The following ALK variants were observed in gnomAD, a reference collection of about 807,000 sequenced individuals.
The protein encoded by ALK is ALK receptor tyrosine kinase.
A neutral mutation model predicts 163.1 loss-of-function variants in ALK; 74 were observed. The ratio of observed to expected loss-of-function variants is 0.45; its 90% CI spans 0.38 to 0.55. The LOEUF is 0.55. Among genes scored for constraint, ALK ranks in the 20% least tolerant of loss-of-function variants. The pLI is 0.00. For synonymous variants in ALK, 960 were observed against 843.2 expected (o/e 1.14, Z -2.40); for missense variants, 2,063 against 2,105.3 (o/e 0.98, Z 0.39).
intron 3 of ALK, among the ~76,000 whole-genome samples, chr2:29,548,914 T>C (rs1553330680): frequency 6.6e-6 from 1 of 152,108 alleles, no homozygotes; most frequent in Non-Finnish European, 1.5e-5. Flanking sequence ...ATTTTTAAAA[T>C]GCCTTGAAGT....
rs892552433 is a variant in ALK, at chr2:29,567,833, T to G, written c.953-35717A>C. Among the ~76,000 whole-genome samples, 58 of 152,362 alleles carry G rather than the reference T, an allele frequency of 3.8e-4. 1 individual carries two copies. The highest frequency in any genetic ancestry group is 1.3e-3 in the African/African-American group (56 of 41,586). ...ATTTTCCTGATTCATTCTGCTATAT[T>G]TTCTCAATTCCAAGTTTAGTTTCAG... is the stretch of plus-strand genomic sequence containing the variant. On this transcript the variant is annotated intron_variant, in intron 3 of 28. Coordinates refer to ENST00000389048, the MANE Select transcript of ALK (RefSeq NM_004304.5).
chr2:29,245,304 C>T (rs1664635131), intron 12 of ALK, among the ~76,000 whole-genome samples: 1 of 125,904 alleles, frequency 7.9e-6, no homozygotes, highest in Non-Finnish European at 1.6e-5. Context: ...CTCCATGGCT[C>T]AGTGCCCTGC....
chr2:29,879,111 C>T (rs12476676), intron 1 of ALK, among the ~76,000 whole-genome samples: 116,825 of 151,920 alleles, frequency 0.77, 45,026 homozygotes, highest in East Asian at 0.79. Context: ...GATATATGAC[C>T]CACCCCTGCG....
rs560526092 is a variant in ALK, at chr2:29,449,126, T to G, written c.1155-65267A>C. 2.0e-5 allele frequency among the ~76,000 whole-genome samples: 3 copies of G among 152,280 alleles called. No individual in the cohort carries two copies. The South Asian group carries it at 6.2e-4, about 32-fold the overall frequency. On this transcript the variant is annotated intron_variant, in intron 4 of 28. Transcript: ENST00000389048. ...TGTCTTGCCATGCCATATCATATGA[T>G]TTATTTATTTGTTCATTCATTAGGT...
intron 3 of ALK, among the ~76,000 whole-genome samples, chr2:29,581,408 A>G (rs1674686511): frequency 1.3e-5 from 2 of 152,090 alleles, no homozygotes; most frequent in South Asian, 4.2e-4. Context: ...AAATAAAATA[A>G]AAGAGTCAAA....
intron 1 of ALK, among the ~76,000 whole-genome samples, chr2:29,883,737 C>T (rs1666921962): frequency 6.6e-6 from 1 of 152,128 alleles, no homozygotes; most frequent in Non-Finnish European, 1.5e-5. Flanking sequence ...CTTTGAACAA[C>T]AGGAGTTTGG....
chr2:29,739,980 GA>G (rs764655352), intron 1 of ALK, among the ~76,000 whole-genome samples: 18 of 152,068 alleles, frequency 1.2e-4, no homozygotes, highest in Non-Finnish European at 2.2e-4. Flanking sequence ...ATGTAATGAA[GA>G]CTTCAAGAAT....
Position 29,193,275 on chromosome 2 carries a change from G to C in ALK, c.4812C>G (p.Tyr1604Ter), listed in dbSNP as rs753750497. The C allele has an allele frequency of 1.2e-6, 2 of 1,614,172 alleles. No individual in the cohort carries two copies. Among genetic ancestry groups the C allele is most frequent in the African/African-American group, 1.3e-5 (1 of 75,052 alleles). ...EAATAPGAGH[Y>*]EDTILKSKNS... ...TCTTGCTTTTCAGAATGGTATCCTC[G>C]TAATGACCAGCTCCAGGGGCAGTAG... Residue 1604 changes from tyrosine to a stop codon, truncating the protein, a stop_gained, in exon 29 of 29, where the codon TAC becomes TAG. Coordinates refer to ENST00000389048, the MANE Select transcript of ALK (RefSeq NM_004304.5). LOFTEE classifies it high-confidence loss of function.
intron 1 of ALK, among the ~76,000 whole-genome samples, chr2:29,895,327 A>G (rs1667241982): frequency 6.6e-6 from 1 of 152,224 alleles, no homozygotes; most frequent in South Asian, 2.1e-4. Flanking sequence ...ATTCCATTAG[A>G]AAGTCTTTTT....
intron 1 of ALK, among the ~76,000 whole-genome samples, chr2:29,898,620 C>T (rs370233375): frequency 1.3e-5 from 2 of 152,096 alleles, no homozygotes; most frequent in African/African-American, 2.4e-5. Flanking sequence ...TAGAAGTAAC[C>T]GCCACATCAA....
chr2:29,201,653 A>G (rs1669181727), intron 26 of ALK, among the ~76,000 whole-genome samples: 1 of 151,986 alleles, frequency 6.6e-6, no homozygotes. Flanking sequence ...TGGGTGTGGT[A>G]GCACGCGTCT....
At chr2:29,407,576 G>A (rs1162302630) in intron 4 of ALK, among the ~76,000 whole-genome samples, 1 of 152,220 alleles carries the variant, frequency 6.6e-6, no homozygotes, top group African/African-American at 2.4e-5. Context: ...ACCTTTTATG[G>A]TCTCCTAACC....
At chr2:29,664,963 T>C (rs758670953) in intron 3 of ALK, among the ~76,000 whole-genome samples, 4 of 152,134 alleles carry the variant, frequency 2.6e-5, no homozygotes, top group Admixed American at 6.5e-5. Context: ...TAGCCTTCCA[T>C]TGAGAACCTG....
At chr2:29,638,544 A>G (rs567516196) in intron 3 of ALK, among the ~76,000 whole-genome samples, 1 of 151,624 alleles carries the variant, frequency 6.6e-6, no homozygotes, top group African/African-American at 2.4e-5. Context: ...ATGGATGCGG[A>G]TAATGCTGGG....
chr2:29,276,327 G>A (rs1164172029), intron 9 of ALK, among the ~76,000 whole-genome samples: 1 of 152,162 alleles, frequency 6.6e-6, no homozygotes, highest in African/African-American at 2.4e-5. Flanking sequence ...CATATCCTTG[G>A]AGGGCCAGGT....
At chr2:29,769,008 AT>A (rs1043142483) in intron 1 of ALK, among the ~76,000 whole-genome samples, 6 of 151,954 alleles carry the variant, frequency 3.9e-5, no homozygotes, top group African/African-American at 1.4e-4. Context: ...TAATTTTTGC[AT>A]TTTTTATACA....
chr2:29,528,582 T>C (rs1673024271), intron 4 of ALK, among the ~76,000 whole-genome samples: 1 of 152,158 alleles, frequency 6.6e-6, no homozygotes, highest in Admixed American at 6.5e-5. Context: ...AGCTGTGACC[T>C]TGTTGTCTTT....
At chr2:29,567,443 T>A (rs1052355277) in intron 3 of ALK, among the ~76,000 whole-genome samples, 1 of 152,338 alleles carries the variant, frequency 6.6e-6, no homozygotes, top group East Asian at 1.9e-4. Flanking sequence ...CCCAGACCTG[T>A]CCTGTGCTTG....
chr2:29,558,476 C>A (rs1046008366), intron 3 of ALK, among the ~76,000 whole-genome samples: 1 of 152,132 alleles, frequency 6.6e-6, no homozygotes, highest in African/African-American at 2.4e-5. Context: ...CACCTCCCAA[C>A]CCACAAGACT....
Sources: gnomAD v4.1 joint callset for allele counts (sites outside exome capture counted in the v4.1 genomes callset) on GRCh38, gnomAD v4.1.1 for gene constraint, MANE v1.5 for transcripts, NCBI Gene and HGNC (gene_info 2026-07-23, HGNC 2026-07-21) for gene names.